The following CYP39A1 variants were observed in gnomAD, a reference collection of about 807,000 sequenced individuals.
The protein encoded by CYP39A1 is 24-hydroxycholesterol 7-alpha-hydroxylase.
CYP39A1 carries 49 observed loss-of-function variants against 58.1 expected under a neutral mutation model. The observed-to-expected ratio is 0.84, with a 90% CI of 0.67 to 1.07. CYP39A1 has a LOEUF of 1.07. CYP39A1 is among the 50% of genes least tolerant of loss of function. The probability of loss-of-function intolerance (pLI) is 0.00; values close to 1 mark genes in which losing one functional copy is unlikely to be tolerated. For synonymous variants in CYP39A1, 209 were observed against 187.6 expected, an observed-to-expected ratio of 1.11 and a Z score of -0.93; for missense variants, 531 against 539.4, an observed-to-expected ratio of 0.98 and a Z score of 0.16.
chr6:46,554,876 T>A (rs1212997356), intron 10 of CYP39A1, among the ~76,000 whole-genome samples: 3 of 152,134 alleles, frequency 2.0e-5, no homozygotes, highest in African/African-American at 7.2e-5. Flanking sequence ...AGTCCCTCCA[T>A]GACTCCCTCA....
At chr6:46,606,233 A>G (rs183472249) in intron 7 of CYP39A1, among the ~76,000 whole-genome samples, 2 of 152,292 alleles carry the variant, frequency 1.3e-5, no homozygotes, top group Admixed American at 6.5e-5. Context: ...TGACCTATAA[A>G]TGTATTAGAG....
intron 6 of CYP39A1, among the ~76,000 whole-genome samples, chr6:46,629,199 T>C (rs1390297066): frequency 1.3e-5 from 2 of 152,190 alleles, no homozygotes; most frequent in Admixed American, 6.5e-5. Context: ...CTTTCTGAAA[T>C]GAATGATTTA....
At chr6:46,553,970 T>C (rs571339967) in intron 10 of CYP39A1, 116 bp from the exon 11 acceptor site, 13 of 678,022 alleles carry the variant, frequency 1.9e-5, no homozygotes, top group Non-Finnish European at 3.2e-5. Context: ...CTTTACAATA[T>C]ACTCTTTTCC....
At chr6:46,551,157 C>T (rs548890112) in intron 11 of CYP39A1, among the ~76,000 whole-genome samples, 7 of 152,060 alleles carry the variant, frequency 4.6e-5, no homozygotes, top group Non-Finnish European at 8.8e-5. Context: ...TAGAATCAGT[C>T]TATTTTCAAG....
At chr6:46,562,861 GATAA>G (rs1771058672) in intron 10 of CYP39A1, among the ~76,000 whole-genome samples, 2 of 151,980 alleles carry the variant, frequency 1.3e-5, no homozygotes, top group African/African-American at 4.8e-5. Flanking sequence ...TTCCCTTAAA[GATAA>G]ATACTCAGGC....
At chr6:46,568,484 T>C (rs1166833914) in intron 10 of CYP39A1, among the ~76,000 whole-genome samples, 1 of 149,048 alleles carries the variant, frequency 6.7e-6, no homozygotes, top group African/African-American at 2.5e-5. Flanking sequence ...AAATCCAATG[T>C]CATAAAGCTT....
At chr6:46,652,158 GA>G (rs1350141576) in intron 1 of CYP39A1, among the ~76,000 whole-genome samples, 1 of 152,138 alleles carries the variant, frequency 6.6e-6, no homozygotes, top group Non-Finnish European at 1.5e-5. Context: ...GTAAAAATAC[GA>G]AAAGTTAATC....
chr6:46,572,600 T>A (rs994994463), intron 10 of CYP39A1, among the ~76,000 whole-genome samples: 4 of 152,202 alleles, frequency 2.6e-5, no homozygotes, highest in African/African-American at 9.6e-5. Context: ...AATTTCTTTG[T>A]CTTTGACTTT....
At chr6:46,567,440 A>G (rs1423685011) in intron 10 of CYP39A1, among the ~76,000 whole-genome samples, 1 of 152,076 alleles carries the variant, frequency 6.6e-6, no homozygotes, top group African/African-American at 2.4e-5. Context: ...TAGGAGGGCA[A>G]ATACTTCTTT....
chr6:46,634,523 G>T lies in CYP39A1; in HGVS notation c.732+1866C>A, dbSNP rs200362104. Among the ~76,000 whole-genome samples, 39 of 131,024 alleles carry T rather than the reference G, an allele frequency of 3.0e-4. No individual in the cohort carries two copies. In the South Asian group the frequency reaches 4.1e-3, roughly 14 times the overall value. 86.0% of individuals were successfully genotyped at this position (131,024 alleles called of 152,430 possible). A position where few individuals can be genotyped will look rare whatever the true frequency, so the allele number is the denominator to read the frequency against. On this transcript the variant is annotated intron_variant, in intron 5 of 11. Coordinates refer to ENST00000275016, the MANE Select transcript of CYP39A1 (RefSeq NM_016593.5). ...GGAATTTTACTTTTTTTTTCTTTTTGCTTTTTTTTTTTTTTTGAGATGGAG... is the reference window on the plus strand; with the variant it reads ...GGAATTTTACTTTTTTTTTCTTTTTTCTTTTTTTTTTTTTTTGAGATGGAG...
chr6:46,640,643 G>A (rs1164184332), intron 2 of CYP39A1, among the ~76,000 whole-genome samples: 1 of 151,776 alleles, frequency 6.6e-6, no homozygotes, highest in East Asian at 1.9e-4. Context: ...TAGATTCAAA[G>A]GGTACATGTG....
chr6:46,612,270 A>G (rs1774261713), intron 7 of CYP39A1, among the ~76,000 whole-genome samples: 1 of 152,160 alleles, frequency 6.6e-6, no homozygotes, highest in Admixed American at 6.5e-5. Context: ...CTTCCTGAGA[A>G]ATCTCTCCTG....
intron 7 of CYP39A1, among the ~76,000 whole-genome samples, chr6:46,617,099 T>A (rs145436622): frequency 3.3e-5 from 5 of 152,296 alleles, no homozygotes; most frequent in South Asian, 4.1e-4. Flanking sequence ...CTGGTTAAAG[T>A]GCCCTGGTTA....
Position 46,601,251 on chromosome 6 carries a change from A to C in CYP39A1, c.932-5131T>G, listed in dbSNP as rs954898749. 2.6e-5 allele frequency among the ~76,000 whole-genome samples: 4 copies of C among 152,162 alleles called. No homozygotes were observed. In the South Asian group the frequency reaches 8.3e-4, roughly 32 times the overall value. On this transcript the variant is annotated intron_variant, in intron 7 of 11. Coordinates refer to ENST00000275016, the MANE Select transcript of CYP39A1 (RefSeq NM_016593.5). ...ATCCTACTTCCATCCACATCATTCC[A>C]TCTCCATTGCTACCACTCTTGTCCA...
chr6:46,582,874 C>T (rs904026336), intron 10 of CYP39A1, among the ~76,000 whole-genome samples: 1 of 152,062 alleles, frequency 6.6e-6, no homozygotes, highest in Non-Finnish European at 1.5e-5. Flanking sequence ...TAACCTGACA[C>T]ATAGCACACA....
intron 1 of CYP39A1, among the ~76,000 whole-genome samples, chr6:46,650,632 G>T (rs1241084348): frequency 6.6e-6 from 1 of 151,258 alleles, no homozygotes; most frequent in East Asian, 1.9e-4. Flanking sequence ...GCCTCTCGAG[G>T]AGCTGGGACT....
At chr6:46,634,082 A>C (rs1775816847) in intron 5 of CYP39A1, among the ~76,000 whole-genome samples, 2 of 152,248 alleles carry the variant, frequency 1.3e-5, no homozygotes, top group Admixed American at 1.3e-4. Context: ...CTACGAAGCC[A>C]CCAAAATCTC....
chr6:46,599,901 T>C (rs1419951342), intron 7 of CYP39A1, among the ~76,000 whole-genome samples: 5 of 152,146 alleles, frequency 3.3e-5, no homozygotes, highest in African/African-American at 4.8e-5. Context: ...TCCCTTGGTC[T>C]TGCCATCGCA....
Position 46,614,250 on chromosome 6 carries a change from T to C in CYP39A1, c.931+11168A>G, listed in dbSNP as rs371798218. 8.5e-5 allele frequency among the ~76,000 whole-genome samples: 13 copies of C among 152,278 alleles called. No homozygotes were observed. The South Asian group carries it at 2.7e-3, about 32-fold the overall frequency. On this transcript the variant is annotated intron_variant, in intron 7 of 11. Transcript: ENST00000275016. Reference sequence around the variant, plus strand: ...TGATGGAAGCCATTACATCTTCTCCTCTTTATACATCCTCTCTAAATAAGG... The same window carrying C: ...TGATGGAAGCCATTACATCTTCTCCCCTTTATACATCCTCTCTAAATAAGG...
Sources: gnomAD v4.1 joint callset for allele counts (sites outside exome capture counted in the v4.1 genomes callset) on GRCh38, gnomAD v4.1.1 for gene constraint, MANE v1.5 for transcripts, NCBI Gene and HGNC (gene_info 2026-07-23, HGNC 2026-07-21) for gene names.